Variants in PRICKLE1 observed in about 807,000 individuals in gnomAD.
PRICKLE1 encodes the protein prickle-like protein 1.
PRICKLE1 carries 14 observed loss-of-function variants against 70.2 expected under a neutral mutation model. The observed-to-expected ratio is 0.20, with a 90% CI of 0.13 to 0.31. The LOEUF (loss-of-function observed/expected upper bound fraction) is 0.31. Ranked by LOEUF, PRICKLE1 falls within the 10% of genes least tolerant of loss-of-function variation. The pLI, the probability that PRICKLE1 is intolerant of heterozygous loss-of-function variation, is 1.00. For missense variants in PRICKLE1, 821 were observed against 1,026.2 expected (o/e 0.80, Z 2.73); for synonymous variants, 357 against 379.9 (o/e 0.94, Z 0.70).
At chr12:42,467,367 G>A (rs900636637) in intron 5 of PRICKLE1, among the ~76,000 whole-genome samples, 3 of 152,076 alleles carry the variant, frequency 2.0e-5, no homozygotes, top group African/African-American at 4.8e-5. Flanking sequence ...TGCCCATCTC[G>A]GCCTCCCAAA....
intron 1 of PRICKLE1, chr12:42,483,835 G>C (rs1462375134): frequency 6.6e-6 from 1 of 151,288 alleles, no homozygotes; most frequent in Non-Finnish European, 1.5e-5. Context: ...GTCCCTGCCG[G>C]CGTGACGGAC....
intron 1 of PRICKLE1, among the ~76,000 whole-genome samples, chr12:42,575,775 C>A (rs1940795760): frequency 6.6e-6 from 1 of 152,086 alleles, no homozygotes; most frequent in Admixed American, 6.5e-5. Context: ...TTTGTATATA[C>A]TTTTCCTTCT....
At position 42,507,748 on chromosome 12, in the gene PRICKLE1, T is replaced by A. The variant is rs565301612; in HGVS notation, c.-48-35184A>T. 2.0e-4 allele frequency among the ~76,000 whole-genome samples: 31 copies of A among 152,332 alleles called. 1 individual carries two copies. The highest frequency in any genetic ancestry group is 1.5e-3 in the Admixed American group (23 of 15,292). ...CTGACATTTATAAAGCCAAAGCATC[T>A]GTGTTGATTTAATGCAGAGAAACAG... On this transcript the variant is annotated intron_variant, in intron 1 of 7. Transcript: ENST00000345127.
At chr12:42,476,757 C>T (rs1197417781) in intron 1 of PRICKLE1, among the ~76,000 whole-genome samples, 1 of 152,182 alleles carries the variant, frequency 6.6e-6, no homozygotes, top group African/African-American at 2.4e-5. Context: ...AAACAATCCT[C>T]CTACCTCAGC....
chr12:42,521,606 C>A (rs2600928), intron 1 of PRICKLE1, among the ~76,000 whole-genome samples: 1 of 152,008 alleles, frequency 6.6e-6, no homozygotes, highest in Non-Finnish European at 1.5e-5. Context: ...AGGCTGAGGT[C>A]GGGGGGATCG....
In PRICKLE1 at chr12:42,468,659, T is replaced by G; in HGVS notation, c.555A>C (p.Glu185Asp). Residue 185 changes from glutamate (E) to aspartate (D), a missense_variant, in exon 5 of 8, where the codon GAA becomes GAC. Transcript: ENST00000345127. ...GKIHCGRHHA[E>D]LLKPRCSACD... The stretch of plus-strand genomic sequence containing the variant: ...ATGCTGAGCACCGTGGTTTGAGCAG[T>G]TCTGCATGGTGCCTGCCACAGTGAA... 1 of 1,614,130 alleles carries G rather than the reference T, an allele frequency of 6.2e-7. No individual in the cohort carries two copies. Among genetic ancestry groups the G allele is most frequent in the Non-Finnish European group, 8.5e-7 (1 of 1,179,988 alleles).
intron 7 of PRICKLE1, 60 bp from the exon 8 acceptor site, chr12:42,460,725 A>G: frequency 1.3e-6 from 2 of 1,570,228 alleles, no homozygotes; most frequent in African/African-American, 1.3e-5. Flanking sequence ...GACAGTACTT[A>G]AAAGTAAGCT....
intron 1 of PRICKLE1, 44 bp from the exon 2 acceptor site, chr12:42,472,608 T>C: frequency 3.3e-6 from 5 of 1,511,148 alleles, no homozygotes; most frequent in Non-Finnish European, 4.6e-6. Context: ...AAAACCTGAA[T>C]GCATTTCTCT....
chr12:42,474,679 A>G (rs1938455805), intron 1 of PRICKLE1, among the ~76,000 whole-genome samples: 1 of 152,198 alleles, frequency 6.6e-6, no homozygotes, highest in Admixed American at 6.5e-5. Context: ...AACCACTCCC[A>G]CATGTCAAAG....
intron 1 of PRICKLE1, among the ~76,000 whole-genome samples, chr12:42,522,658 T>G (rs371900509): frequency 6.6e-6 from 1 of 152,212 alleles, no homozygotes; most frequent in Non-Finnish European, 1.5e-5. Context: ...TTCCTTAGTA[T>G]CCTATGTGGC....
rs776027641 is a variant in PRICKLE1 at position 42,468,344 on chromosome 12, T to A, written c.588+282A>T. On this transcript the variant is annotated intron_variant, in intron 5 of 7. Coordinates refer to ENST00000345127, the MANE Select transcript of PRICKLE1 (RefSeq NM_153026.3). ...CAGCTTGTATTTTCTCACAACCCAC[T>A]GAAGACATAATACTTATCAAAGTAC... Among the ~76,000 whole-genome samples, 70 of 152,202 alleles carry A rather than the reference T, an allele frequency of 4.6e-4. 1 individual carries two copies. The highest frequency in any genetic ancestry group is 9.3e-4 in the Non-Finnish European group (63 of 68,046).
At chr12:42,565,444 C>T (rs1940606031) in intron 1 of PRICKLE1, among the ~76,000 whole-genome samples, 1 of 152,274 alleles carries the variant, frequency 6.6e-6, no homozygotes, top group South Asian at 2.1e-4. Flanking sequence ...CTATCCCAAT[C>T]CCCTGCCCCA....
intron 1 of PRICKLE1, among the ~76,000 whole-genome samples, chr12:42,481,109 A>G (rs11181518): frequency 0.027 from 4,148 of 152,294 alleles, 162 homozygotes; most frequent in East Asian, 0.18. Context: ...ATACCAATAC[A>G]TAAGTACCTT....
At chr12:42,558,123 AT>A (rs1456029505) in intron 1 of PRICKLE1, among the ~76,000 whole-genome samples, 1 of 152,198 alleles carries the variant, frequency 6.6e-6, no homozygotes, top group African/African-American at 2.4e-5. Context: ...GTGTTTCAAT[AT>A]TGTTTAACCA....
intron 7 of PRICKLE1, among the ~76,000 whole-genome samples, chr12:42,462,954 T>C (rs1216572519): frequency 6.6e-6 from 1 of 152,214 alleles, no homozygotes; most frequent in African/African-American, 2.4e-5. Context: ...AATGCAATCA[T>C]ATCATCCACT....
chr12:42,516,887 A>G (rs891554370), intron 1 of PRICKLE1, among the ~76,000 whole-genome samples: 2 of 152,062 alleles, frequency 1.3e-5, no homozygotes, highest in Non-Finnish European at 2.9e-5. Flanking sequence ...TCTCCTGCCT[A>G]TGGGGTGGGT....
chr12:42,473,174 A>G (rs1938391404), intron 1 of PRICKLE1, among the ~76,000 whole-genome samples: 1 of 152,236 alleles, frequency 6.6e-6, no homozygotes, highest in Admixed American at 6.5e-5. Flanking sequence ...TATACTGCAC[A>G]TTAAATCCTC....
intron 1 of PRICKLE1, among the ~76,000 whole-genome samples, chr12:42,544,692 T>G (rs1003503389): frequency 6.6e-6 from 1 of 152,240 alleles, no homozygotes; most frequent in African/African-American, 2.4e-5. Context: ...TTATTTTTTA[T>G]CTTATCAAAG....
chr12:42,572,522 A>C (rs1308421219), intron 1 of PRICKLE1, among the ~76,000 whole-genome samples: 1 of 152,074 alleles, frequency 6.6e-6, no homozygotes, highest in Non-Finnish European at 1.5e-5. Flanking sequence ...CATTTTGAAA[A>C]ACCTGAGAAT....
Sources: gnomAD v4.1 joint callset for allele counts (sites outside exome capture counted in the v4.1 genomes callset) on GRCh38, gnomAD v4.1.1 for gene constraint, MANE v1.5 for transcripts, NCBI Gene and HGNC (gene_info 2026-07-23, HGNC 2026-07-21) for gene names.